The following RNF130 variants were observed in gnomAD, a reference collection of about 807,000 sequenced individuals.
The protein encoded by RNF130 is E3 ubiquitin-protein ligase RNF130.
In RNF130, 21 loss-of-function variants were observed where a neutral mutation model predicts 44.6. That is an observed-to-expected ratio of 0.47 (90% confidence interval 0.33 to 0.68). RNF130 has a LOEUF of 0.68. Ranked by LOEUF, RNF130 falls within the 30% of genes least tolerant of loss-of-function variation. The pLI, the probability that RNF130 is intolerant of heterozygous loss-of-function variation, is 0.02. For synonymous variants in RNF130, 214 were observed against 210.4 expected, an observed-to-expected ratio of 1.02 and a Z score of -0.15; for missense variants, 479 against 560.6, an observed-to-expected ratio of 0.85 and a Z score of 1.47.
rs906388996 is a variant in RNF130, at chr5:179,997,961, C to T, written c.693+15100G>A. Among the ~76,000 whole-genome samples, 11 of 152,064 alleles carry T rather than the reference C, an allele frequency of 7.2e-5. No individual in the cohort carries two copies. In the South Asian group the frequency reaches 2.1e-3, roughly 29 times the overall value. On this transcript the variant is annotated intron_variant, in intron 3 of 8. Transcript: ENST00000521389. ...GGTTCAAGCAATTCTCCTGCCTCAG[C>T]CTCCCGAGTAGCTGAGACTACAGGT... is the stretch of plus-strand genomic sequence containing the variant.
rs548906698 is a variant in RNF130, at chr5:179,931,101, T to C, written c.1151-10675A>G. ...TTTTAGCAAATGCTTTTTTTGTACC[T>C]ATTAAGATAAAAACATGGTGACCGC... On this transcript the variant is annotated intron_variant, in intron 7 of 7. Transcript: ENST00000522208. Among the ~76,000 whole-genome samples the C allele has an allele frequency of 7.3e-4, 110 of 151,398 alleles. 1 individual carries two copies. The highest frequency in any genetic ancestry group is 6.5e-3 in the Admixed American group (98 of 15,172).
At chr5:179,982,169 CTTCT>C (rs1279499837) in intron 3 of RNF130, among the ~76,000 whole-genome samples, 2 of 151,680 alleles carry the variant, frequency 1.3e-5, no homozygotes, top group Admixed American at 6.6e-5. Context: ...GTGTGTACGG[CTTCT>C]TTGACTCAGC....
intron 7 of RNF130, among the ~76,000 whole-genome samples, chr5:179,921,882 C>T (rs1453880365): frequency 6.7e-6 from 1 of 148,500 alleles, no homozygotes; most frequent in African/African-American, 2.6e-5. Flanking sequence ...ATTAGCCAGG[C>T]ATGGTGGCAG....
chr5:180,064,101 T>C (rs1433663277), intron 1 of RNF130, among the ~76,000 whole-genome samples: 1 of 152,208 alleles, frequency 6.6e-6, no homozygotes, highest in Admixed American at 6.5e-5. Context: ...CCTATTATAA[T>C]AAATTATTTT....
chr5:180,037,112 A>G (rs1400182202), intron 2 of RNF130, among the ~76,000 whole-genome samples: 2 of 152,190 alleles, frequency 1.3e-5, no homozygotes, highest in Non-Finnish European at 2.9e-5. Context: ...GCTTTAATCC[A>G]CTGACAGTTA....
intron 1 of RNF130, among the ~76,000 whole-genome samples, chr5:180,056,266 A>C (rs990871157): frequency 2.2e-4 from 31 of 142,252 alleles, no homozygotes; most frequent in Non-Finnish European, 3.6e-4. Flanking sequence ...AAAAAAAAAA[A>C]CCCTAATAGT....
intron 1 of RNF130, among the ~76,000 whole-genome samples, chr5:180,061,851 T>C (rs1241545860): frequency 6.6e-6 from 1 of 152,164 alleles, no homozygotes; most frequent in African/African-American, 2.4e-5. Flanking sequence ...CTTAGTCCTT[T>C]CGGGCTGCTG....
At chr5:180,005,653 T>A (rs915586457) in intron 3 of RNF130, among the ~76,000 whole-genome samples, 1 of 152,198 alleles carries the variant, frequency 6.6e-6, no homozygotes, top group African/African-American at 2.4e-5. Flanking sequence ...TTCATCTCCA[T>A]CTGATGAAGT....
intron 3 of RNF130, among the ~76,000 whole-genome samples, chr5:180,009,373 A>AATAC (rs1180213602): frequency 6.6e-6 from 1 of 152,260 alleles, no homozygotes; most frequent in Non-Finnish European, 1.5e-5. Flanking sequence ...TTGTATCTGG[A>AATAC]ATACATAAAA....
chr5:180,062,693 A>G (rs888834884), intron 1 of RNF130, among the ~76,000 whole-genome samples: 2 of 152,206 alleles, frequency 1.3e-5, no homozygotes, highest in Non-Finnish European at 2.9e-5. Flanking sequence ...GATGAAAAAG[A>G]CTTTCTAACA....
At chr5:179,970,862 T>C (rs781271993) in intron 5 of RNF130, among the ~76,000 whole-genome samples, 5 of 152,154 alleles carry the variant, frequency 3.3e-5, no homozygotes, top group African/African-American at 9.7e-5. Context: ...CATAGAAAAA[T>C]GGAGTTTCAA....
intron 7 of RNF130, among the ~76,000 whole-genome samples, chr5:179,928,545 C>A (rs1053194973): frequency 2.0e-5 from 3 of 151,960 alleles, no homozygotes; most frequent in East Asian, 3.9e-4. Context: ...TGTCAGTCTT[C>A]TTCTCCTTTA....
chr5:179,957,958 A>G (rs1762246508), intron 8 of RNF130, among the ~76,000 whole-genome samples: 1 of 151,230 alleles, frequency 6.6e-6, no homozygotes, highest in Non-Finnish European at 1.5e-5. Context: ...GCTCACTGCA[A>G]GCTCCGCCTC....
chr5:179,968,235 C>A lies in RNF130; in HGVS notation c.946-1225G>T, dbSNP rs779738073. ...GCATGAACCCAGGAGGCGGAGCTTG[C>A]GGTGAGCCGAGATCGCACCACTGCA... is the stretch of plus-strand genomic sequence containing the variant. On this transcript the variant is annotated intron_variant, in intron 6 of 8. Coordinates refer to ENST00000521389, the MANE Select transcript of RNF130 (RefSeq NM_018434.6). Among the ~76,000 whole-genome samples, 11 of 152,000 alleles carry A rather than the reference C, an allele frequency of 7.2e-5. 1 individual carries two copies. Among genetic ancestry groups the A allele is most frequent in the Admixed American group, 7.2e-4 (11 of 15,270 alleles).
intron 1 of RNF130, among the ~76,000 whole-genome samples, chr5:180,059,525 G>A (rs77383912): frequency 0.087 from 13,229 of 152,224 alleles, 763 homozygotes; most frequent in South Asian, 0.17. Flanking sequence ...ACTTGAGGCA[G>A]CTGTCCCACA....
At chr5:179,914,872 A>AT (rs1377220264) in exon 8 of RNF130, 2 of 152,062 alleles carry the variant, frequency 1.3e-5, no homozygotes, top group Non-Finnish European at 2.9e-5. Context: ...TCTAAAAAAA[A>AT]TTTTTAAAAA....
At chr5:179,979,670 T>C (rs1379444143) in intron 4 of RNF130, among the ~76,000 whole-genome samples, 1 of 152,142 alleles carries the variant, frequency 6.6e-6, no homozygotes, top group Non-Finnish European at 1.5e-5. Flanking sequence ...ACTGCCTCTC[T>C]CCCTTGGTCC....
intron 5 of RNF130, among the ~76,000 whole-genome samples, chr5:179,975,255 G>A (rs923901178): frequency 8.5e-5 from 13 of 152,270 alleles, no homozygotes; most frequent in African/African-American, 3.1e-4. Flanking sequence ...AGGCGCAGCT[G>A]CGAGTGGCAT....
At chr5:179,925,837 T>G (rs1469353303) in intron 7 of RNF130, among the ~76,000 whole-genome samples, 3 of 152,200 alleles carry the variant, frequency 2.0e-5, no homozygotes, top group African/African-American at 7.2e-5. Context: ...CTGGCTGGGT[T>G]TATTCTGAGC....
Sources: allele counts gnomAD v4.1 joint callset (sites outside exome capture counted in the v4.1 genomes callset), GRCh38; gene constraint gnomAD v4.1.1; transcripts MANE v1.5; gene names NCBI Gene and HGNC (gene_info 2026-07-23, HGNC 2026-07-21).